Variants in KAT6A observed in about 807,000 individuals in gnomAD.
KAT6A encodes the protein histone acetyltransferase KAT6A.
Under a neutral mutation model 198.4 loss-of-function variants are expected in KAT6A, and 9 were observed. The observed-to-expected ratio is 0.05, with a 90% confidence interval of 0.03 to 0.08. The LOEUF is 0.08. Among genes scored for constraint, KAT6A ranks in the 10% least tolerant of loss-of-function variants. KAT6A has a pLI of 1.00. For synonymous variants in KAT6A, 890 were observed against 883.0 expected (o/e 1.01, Z -0.14); for missense variants, 2,077 against 2,509.9 (o/e 0.83, Z 3.69).
intron 2 of KAT6A, among the ~76,000 whole-genome samples, chr8:42,014,435 G>A (rs909942511): frequency 2.6e-5 from 4 of 152,154 alleles, no homozygotes; most frequent in Non-Finnish European, 4.4e-5. Context: ...AAAATCAATT[G>A]AAGATAAAAT....
rs751601908 is a variant in KAT6A, at chr8:41,942,731, A to G, written c.2436+62T>C. 4 of 1,532,268 alleles carry G rather than the reference A, an allele frequency of 2.6e-6. No homozygotes were observed. In the African/African-American group the frequency reaches 5.5e-5, roughly 21 times the overall value. 94.9% of individuals were successfully genotyped at this position (1,532,268 alleles called of 1,614,324 possible). On this transcript the variant is annotated intron_variant, in intron 14 of 16. Transcript: ENST00000265713. ...AGATGATCATAATACATTATTATAA[A>G]TACTCATGAAATCAAAAATATATCT...
At position 42,040,735 on chromosome 8, in the gene KAT6A, C is replaced by CAAAAAA. The variant is rs59959496; in HGVS notation, c.600+7637_600+7642dup. On this transcript the variant is annotated intron_variant, in intron 2 of 16. Coordinates refer to ENST00000265713, the MANE Select transcript of KAT6A (RefSeq NM_006766.5). ...AAGTGACAAGAGCAAGACTCTGTCTCAAAAAAAAAAAAAAAAAAAAAAAAA... is the reference window on the plus strand; with the variant it reads ...AAGTGACAAGAGCAAGACTCTGTCTCAAAAAAAAAAAAAAAAAAAAAAAAAAAAAAA... 1.3e-3 allele frequency among the ~76,000 whole-genome samples: 73 copies of CAAAAAA among 54,630 alleles called. 2 individuals carry two copies. Among genetic ancestry groups the CAAAAAA allele is most frequent in the African/African-American group, 4.7e-3 (62 of 13,060 alleles). The allele number at this position is 54,630 out of a possible 152,430, so 35.8% of individuals were successfully genotyped here.
intron 2 of KAT6A, among the ~76,000 whole-genome samples, chr8:42,011,895 G>GAAAAAAAAAAAAA (rs35104277): frequency 3.5e-5 from 4 of 114,288 alleles, no homozygotes; most frequent in Admixed American, 8.8e-5. Flanking sequence ...AAAAGAAGAG[G>GAAAAAAAAAAAAA]AAAAAAAAAA....
At chr8:41,943,191 G>A (rs193159786) in intron 13 of KAT6A, among the ~76,000 whole-genome samples, 191 bp from the exon 14 acceptor site, 46 of 152,254 alleles carry the variant, frequency 3.0e-4, no homozygotes, top group African/African-American at 9.6e-4. Context: ...CAAATGCTTC[G>A]CTCTCTACCG....
chr8:41,933,023 C>T lies in KAT6A; in HGVS notation c.5197G>A (p.Glu1733Lys). The T allele has an allele frequency of 6.2e-7, 1 of 1,613,354 alleles. No homozygotes were observed. Among genetic ancestry groups the T allele is most frequent in the Non-Finnish European group, 8.5e-7 (1 of 1,179,964 alleles). Residue 1733 changes from glutamate (E) to lysine (K), a missense_variant, in exon 17 of 17, where the codon GAG becomes AAG. Glu to Lys is a moderately conservative substitution (Grantham distance 56). This residue lies in a region of KAT6A where 500 missense variants were observed against 577.2 expected (regional missense o/e 0.87). Transcript: ENST00000265713. The surrounding 1 kb of genome is among the most constrained non-coding windows in gnomAD (Gnocchi z 6.2). ...GCACCAAAATCCCCTGGAATCCTCTCATAGATACTTATGTTCCCAGTGCTT... is the reference window on the plus strand; with the variant it reads ...GCACCAAAATCCCCTGGAATCCTCTTATAGATACTTATGTTCCCAGTGCTT... Reference protein sequence around the residue: ...SGSTGNISIYERIPGDFGAGS... With the variant: ...SGSTGNISIYKRIPGDFGAGS...
chr8:41,999,637 A>G (rs899863363), intron 2 of KAT6A, among the ~76,000 whole-genome samples: 1 of 152,170 alleles, frequency 6.6e-6, no homozygotes, highest in Admixed American at 6.5e-5. Context: ...TTTATATACT[A>G]AACTACCTTT....
chr8:42,012,258 C>A (rs1364539070), intron 2 of KAT6A, among the ~76,000 whole-genome samples: 2 of 152,186 alleles, frequency 1.3e-5, no homozygotes, highest in Non-Finnish European at 2.9e-5. Context: ...TAGGTATCTG[C>A]CCAAGTCAAA....
intron 1 of KAT6A, among the ~76,000 whole-genome samples, chr8:42,050,229 C>T (rs1048274605): frequency 6.6e-6 from 1 of 152,138 alleles, no homozygotes; most frequent in Non-Finnish European, 1.5e-5. Context: ...TGTCCTGAAA[C>T]GAACATTAAT....
At chr8:41,983,422 G>A (rs1431787108) in intron 3 of KAT6A, among the ~76,000 whole-genome samples, 1 of 152,196 alleles carries the variant, frequency 6.6e-6, no homozygotes, top group Non-Finnish European at 1.5e-5. Context: ...TAAACTAGCT[G>A]AAAGCTCTGC....
rs771228580 is a variant in KAT6A, at chr8:41,932,408, T to C, written c.5812A>G (p.Ser1938Gly). 3.7e-6 allele frequency: 6 copies of C among 1,614,240 alleles called. No homozygotes were observed. In the East Asian group the frequency reaches 1.1e-4, roughly 30 times the overall value. Reference sequence around the variant, plus strand: ...GTCTGGTTCATGTAGGCAGGGTTACTATGGTAACTGCTGTTCATCATGGGC... The same window carrying C: ...GTCTGGTTCATGTAGGCAGGGTTACCATGGTAACTGCTGTTCATCATGGGC... The part of the protein sequence containing the change: ...TQPMMNSSYH[S>G]NPAYMNQTAQ... The change falls in exon 17 of 17, where the codon AGT becomes GGT. Residue 1938 changes from serine to glycine, a missense_variant. Ser to Gly is a moderately conservative substitution (Grantham distance 56). Transcript: ENST00000265713.
chr8:41,930,106 G>GAGCT lies in KAT6A; in HGVS notation c.*2095_*2098dup. On this transcript the variant is annotated 3_prime_UTR_variant, in exon 17 of 17. Coordinates refer to ENST00000265713, the MANE Select transcript of KAT6A (RefSeq NM_006766.5). ...GTCACAAAGAGGCTTGTGGAAAAGG[G>GAGCT]AGCTGCCCGATTGAATTTTTTATAA... 4.3e-6 allele frequency: 1 copy of GAGCT among 231,912 alleles called. No homozygotes were observed. The highest frequency in any genetic ancestry group is 8.5e-6 in the Non-Finnish European group (1 of 117,324). 14.4% of individuals were successfully genotyped at this position (231,912 alleles called of 1,614,324 possible).
chr8:42,018,709 G>A (rs1438517520), intron 2 of KAT6A, among the ~76,000 whole-genome samples: 3 of 152,080 alleles, frequency 2.0e-5, no homozygotes, highest in Non-Finnish European at 2.9e-5. Context: ...GATCACCTGA[G>A]GTCAGAAGTT....
chr8:42,028,254 G>A (rs1826935844), intron 2 of KAT6A, among the ~76,000 whole-genome samples: 1 of 152,168 alleles, frequency 6.6e-6, no homozygotes, highest in Admixed American at 6.5e-5. Context: ...GGTCCATTTG[G>A]TGTAAAGTGT....
chr8:42,041,737 CAA>C (rs568405744), intron 2 of KAT6A, among the ~76,000 whole-genome samples: 3 of 121,972 alleles, frequency 2.5e-5, no homozygotes, highest in East Asian at 2.3e-4. Flanking sequence ...GACTCCATCT[CAA>C]AAAAAAAAAA....
At chr8:42,011,985 T>C (rs1383774000) in intron 2 of KAT6A, among the ~76,000 whole-genome samples, 1 of 150,912 alleles carries the variant, frequency 6.6e-6, no homozygotes, top group African/African-American at 2.4e-5. Flanking sequence ...CCAAAGAAGA[T>C]ATGTACATAA....
chr8:42,049,468 G>A (rs886775958), intron 1 of KAT6A, 166 bp from the exon 2 acceptor site: 1 of 173,576 alleles, frequency 5.8e-6, no homozygotes, highest in African/African-American at 2.4e-5. Context: ...GTAAACCATT[G>A]GGATAAAAAA....
intron 4 of KAT6A, 63 bp from the exon 5 acceptor site, chr8:41,980,990 T>C (rs1450508747): frequency 3.6e-6 from 4 of 1,100,266 alleles, no homozygotes; most frequent in Admixed American, 3.4e-5. Context: ...GTTACGATCA[T>C]GACTGCATAA....
chr8:41,943,380 AT>A (rs1237642856), intron 13 of KAT6A, among the ~76,000 whole-genome samples: 2 of 151,974 alleles, frequency 1.3e-5, no homozygotes, highest in Non-Finnish European at 2.9e-5. Context: ...TTCAATCTAT[AT>A]TTACTTTGTG....
intron 2 of KAT6A, among the ~76,000 whole-genome samples, chr8:42,028,575 TG>T (rs1484016964): frequency 2.6e-5 from 4 of 152,254 alleles, no homozygotes; most frequent in Non-Finnish European, 5.9e-5. Flanking sequence ...GGTTTCCATT[TG>T]CATAAAATAT....
Sources: allele counts gnomAD v4.1 joint callset (sites outside exome capture counted in the v4.1 genomes callset), GRCh38; gene constraint gnomAD v4.1.1; regional missense constraint gnomAD v4.1.1; non-coding constraint Gnocchi (gnomAD v3.1); transcripts MANE v1.5; gene names NCBI Gene and HGNC (gene_info 2026-07-23, HGNC 2026-07-21).